CLIC2: variants seen among roughly 807,000 people sequenced by gnomAD.
The protein encoded by CLIC2 is chloride intracellular channel protein 2.
CLIC2 carries 9 observed loss-of-function variants against 14.8 expected under a neutral mutation model. The observed-to-expected ratio is 0.61, with a 90% CI of 0.37 to 1.06. The LOEUF is 1.06. Among genes scored for constraint, CLIC2 ranks in the 50% least tolerant of loss-of-function variants. The pLI, the probability that CLIC2 is intolerant of heterozygous loss-of-function variation, is 0.01. For missense variants in CLIC2, 148 were observed against 181.4 expected (o/e 0.82, Z 1.06); for synonymous variants, 61 against 66.3 (o/e 0.92, Z 0.39).
intron 1 of CLIC2, among the ~76,000 whole-genome samples, chrX:155,326,806 G>A (rs1239968784): frequency 1.8e-5 from 2 of 111,465 alleles, no homozygotes; most frequent in African/African-American, 6.5e-5. Flanking sequence ...CCAGGGAATT[G>A]TGCTGAGTGG....
chrX:155,279,058 T>C, intron 5 of CLIC2, 91 bp downstream of exon 5: 2 of 684,945 alleles, frequency 2.9e-6, no homozygotes, highest in South Asian at 4.4e-5. Flanking sequence ...AAAGCTATAA[T>C]ATAATAATAC....
At chrX:155,324,959 G>A (rs1168372944) in intron 1 of CLIC2, among the ~76,000 whole-genome samples, 3 of 110,798 alleles carry the variant, frequency 2.7e-5, no homozygotes, top group Non-Finnish European at 5.7e-5. Context: ...TGAAGGATAT[G>A]AGCGTCTCAA....
At chrX:155,285,125 C>T (rs1384156397) in intron 3 of CLIC2, among the ~76,000 whole-genome samples, 2 of 112,302 alleles carry the variant, frequency 1.8e-5, no homozygotes, top group Non-Finnish European at 3.8e-5. Flanking sequence ...AAACAAAGTT[C>T]ATATGGAAGG....
intron 3 of CLIC2, chrX:155,292,718 CG>C (rs2074977433): frequency 2.6e-6 from 1 of 380,896 alleles, no homozygotes; most frequent in African/African-American, 2.8e-5. Context: ...TGCAGTGAGC[CG>C]AGATCGCGCC....
At chrX:155,316,156 C>A (rs1375320358) in intron 1 of CLIC2, among the ~76,000 whole-genome samples, 4 of 111,305 alleles carry the variant, frequency 3.6e-5, no homozygotes, top group African/African-American at 1.3e-4. Context: ...GATGGTAACA[C>A]AATAATAGTG....
intron 1 of CLIC2, chrX:155,309,473 T>C: frequency 6.0e-6 from 1 of 166,677 alleles, no homozygotes; most frequent in South Asian, 9.5e-5. Flanking sequence ...CACTGATAAA[T>C]ATTTGTATTA....
intron 1 of CLIC2, among the ~76,000 whole-genome samples, chrX:155,329,553 T>C (rs2075149700): frequency 9.2e-6 from 1 of 108,401 alleles, no homozygotes; most frequent in Non-Finnish European, 1.9e-5. Flanking sequence ...GGCGAGGATA[T>C]AGAGAAAAGG....
chrX:155,291,320 G>A (rs1254026704), intron 3 of CLIC2: 3 of 891,489 alleles, frequency 3.4e-6, no homozygotes, highest in African/African-American at 3.9e-5. Context: ...TCCATTTCTG[G>A]CTCTGGCAAG....
intron 1 of CLIC2, among the ~76,000 whole-genome samples, chrX:155,299,528 A>C (rs2075007365): frequency 1.8e-5 from 2 of 111,038 alleles, no homozygotes; most frequent in Non-Finnish European, 1.9e-5. Flanking sequence ...TGGTCAGTAA[A>C]ATGTATGCAC....
intron 3 of CLIC2, among the ~76,000 whole-genome samples, chrX:155,282,282 T>C (rs2074922665): frequency 9.0e-6 from 1 of 111,730 alleles, no homozygotes; most frequent in Non-Finnish European, 1.9e-5. Context: ...ACATCACTCC[T>C]TTCCCTAACA....
intron 1 of CLIC2, among the ~76,000 whole-genome samples, chrX:155,330,118 G>A (rs190449606): frequency 1.9e-3 from 212 of 110,982 alleles, no homozygotes; most frequent in Admixed American, 3.7e-3. Flanking sequence ...ATAACACCTA[G>A]TATTTGCTAG....
intron 3 of CLIC2, among the ~76,000 whole-genome samples, chrX:155,294,660 C>T (rs1480684868): frequency 1.8e-5 from 2 of 111,004 alleles, no homozygotes; most frequent in Admixed American, 9.6e-5. Context: ...AAGTAGAAGA[C>T]CCAAACAAAC....
chrX:155,330,305 T>C (rs1264972981), intron 1 of CLIC2, among the ~76,000 whole-genome samples: 1 of 111,489 alleles, frequency 9.0e-6, no homozygotes, highest in African/African-American at 3.2e-5. Flanking sequence ...ATGCAACCCA[T>C]AAATATATAT....
chrX:155,330,768 G>C (rs1229822179), intron 1 of CLIC2, among the ~76,000 whole-genome samples: 3 of 110,751 alleles, frequency 2.7e-5, no homozygotes, highest in Non-Finnish European at 5.7e-5. Flanking sequence ...CCTGAGAGAT[G>C]ATGAGGACTA....
At chrX:155,283,478 A>T (rs985964817) in intron 3 of CLIC2, among the ~76,000 whole-genome samples, 1 of 111,382 alleles carries the variant, frequency 9.0e-6, no homozygotes, top group African/African-American at 3.3e-5. Context: ...TGTGCACAAC[A>T]TGCAGGTTTG....
intron 1 of CLIC2, among the ~76,000 whole-genome samples, chrX:155,315,086 C>G (rs1315036144): frequency 9.0e-6 from 1 of 111,718 alleles, no homozygotes; most frequent in Admixed American, 9.5e-5. Flanking sequence ...AAAAAGTGAA[C>G]AAAGCCTCCA....
At chrX:155,280,691 CA>C in intron 3 of CLIC2, among the ~76,000 whole-genome samples, 1 of 106,423 alleles carries the variant, frequency 9.4e-6, no homozygotes, top group Admixed American at 1.0e-4. Flanking sequence ...AACTCAGTCT[CA>C]AAAAAAGAAA....
At chrX:155,331,277 G>C (rs2075155861) in intron 1 of CLIC2, among the ~76,000 whole-genome samples, 2 of 110,880 alleles carry the variant, frequency 1.8e-5, no homozygotes, top group Admixed American at 1.9e-4. Flanking sequence ...AGGTGTGGGG[G>C]AAATGCAGTA....
intron 5 of CLIC2, chrX:155,278,880 G>A: frequency 3.4e-6 from 1 of 297,842 alleles, no homozygotes; most frequent in Non-Finnish European, 6.0e-6. Flanking sequence ...GTTGCAATAA[G>A]CCTTGATCAT....
Sources: gnomAD v4.1 joint callset for allele counts (sites outside exome capture counted in the v4.1 genomes callset) on GRCh38, gnomAD v4.1.1 for gene constraint, MANE v1.5 for transcripts, NCBI Gene and HGNC (gene_info 2026-07-23, HGNC 2026-07-21) for gene names.